Variants in ABCC6 observed in about 807,000 individuals in gnomAD.
ABCC6 encodes ATP-binding cassette sub-family C member 6.
A neutral mutation model predicts 169.5 loss-of-function variants in ABCC6; 126 were observed. That is an observed-to-expected ratio of 0.74 (90% confidence interval 0.64 to 0.86). The LOEUF (loss-of-function observed/expected upper bound fraction) is 0.86. ABCC6 is among the 40% of genes least tolerant of loss of function. The probability of loss-of-function intolerance (pLI) is 0.00; values close to 1 mark genes in which losing one functional copy is unlikely to be tolerated. For missense variants in ABCC6, 1,733 were observed against 1,927.2 expected (o/e 0.90, Z 1.89); for synonymous variants, 752 against 814.7 (o/e 0.92, Z 1.31).
chr16:16,162,030 G>A (rs774444411), intron 24 of ABCC6, among the ~76,000 whole-genome samples: 16 of 152,106 alleles, frequency 1.1e-4, no homozygotes, highest in Non-Finnish European at 1.6e-4. Context: ...AAAAGGATGC[G>A]GCAGTTCCCA....
rs212097 is a variant in ABCC6 at position 16,150,272 on chromosome 16, T to C, written c.4404-31A>G. 0.42 allele frequency: 676,750 copies of C among 1,612,620 alleles called. 147,010 individuals carry two copies. Among genetic ancestry groups the C allele is most frequent in the Non-Finnish European group, 0.45 (528,997 of 1,179,366 alleles). On this transcript the variant is annotated intron_variant, in intron 30 of 30. Transcript: ENST00000205557. ...GGGGAGAGGGAGACAGAGAGGCTCT[T>C]TGGACACCAGCCCAGGCTCTCGGCA...
intron 21 of ABCC6, among the ~76,000 whole-genome samples, chr16:16,171,215 A>G (rs1458156774): frequency 6.6e-6 from 1 of 151,460 alleles, no homozygotes; most frequent in Admixed American, 6.6e-5. Flanking sequence ...AGTGGTCTCT[A>G]TTTCATCATT....
rs11862538 is a variant in ABCC6 at position 16,166,961 on chromosome 16, C to A, written c.2996-1028G>T. On this transcript the variant is annotated intron_variant, in intron 22 of 30. Transcript: ENST00000205557. ...CTCCACAAAGAGTTAACACTGCTGA[C>A]ACCTTGATTTTAGACTTCAGGCCTC... is the stretch of plus-strand genomic sequence containing the variant. 7.6e-3 allele frequency among the ~76,000 whole-genome samples: 1,156 copies of A among 152,332 alleles called. 19 individuals are homozygous for A. Among genetic ancestry groups the A allele is most frequent in the African/African-American group, 0.025 (1,046 of 41,572 alleles).
Position 16,195,802 on chromosome 16 carries a change from A to C in ABCC6, c.1338+2219T>G, listed in dbSNP as rs532907856. On this transcript the variant is annotated intron_variant, in intron 10 of 30. Transcript: ENST00000205557. ...TATTGTTTGCAAGGCCCTGGAATAC[A>C]AGGTGAAGACACTGGAAAAAGTCCT... Among the ~76,000 whole-genome samples, 3 of 152,340 alleles carry C rather than the reference A, an allele frequency of 2.0e-5. 1 individual carries two copies. The highest frequency in any genetic ancestry group is 7.2e-5 in the African/African-American group (3 of 41,574).
intron 29 of ABCC6, among the ~76,000 whole-genome samples, chr16:16,153,278 G>A (rs995112514): frequency 2.6e-5 from 4 of 152,168 alleles, no homozygotes; most frequent in South Asian, 2.1e-4. Flanking sequence ...GCCAAGAGGT[G>A]GAAACAGCCT....
intron 23 of ABCC6, among the ~76,000 whole-genome samples, chr16:16,163,726 G>A (rs1250182466): frequency 7.9e-5 from 12 of 152,178 alleles, no homozygotes; most frequent in Non-Finnish European, 1.5e-5. Flanking sequence ...CAGGTTGGGT[G>A]CAGCTGGCAG....
At chr16:16,213,036 A>G (rs1369665513) in intron 5 of ABCC6, among the ~76,000 whole-genome samples, 1 of 152,140 alleles carries the variant, frequency 6.6e-6, no homozygotes, top group African/African-American at 2.4e-5. Context: ...GGTAGGTACA[A>G]AAAAGATTCC....
At chr16:16,181,915 A>C in intron 17 of ABCC6, 1 of 207,112 alleles carries the variant, frequency 4.8e-6, no homozygotes, top group Non-Finnish European at 9.9e-6. Flanking sequence ...CCTGTGCAAC[A>C]GAGCAAGACT....
intron 9 of ABCC6, among the ~76,000 whole-genome samples, chr16:16,201,035 C>T (rs2048220594): frequency 6.6e-6 from 1 of 152,154 alleles, no homozygotes; most frequent in South Asian, 2.1e-4. Context: ...GGCGTGATCT[C>T]AGTTCACTGC....
rs72664211 is a variant in ABCC6, at chr16:16,162,987, TCCTA to T, written c.3506+2_3506+5del. ...GCAAGGTCTTCTCTGCCCTGGCTCT[TCCTA>T]CCTGTCAGCCACCAGTCGCGGGAAA... On this transcript the variant is annotated splice_donor_variant and splice_donor_5th_base_variant and intron_variant, in intron 24 of 30. Coordinates refer to ENST00000205557, the MANE Select transcript of ABCC6 (RefSeq NM_001171.6). LOFTEE classifies it high-confidence loss of function. 3.7e-6 allele frequency: 6 copies of T among 1,614,068 alleles called. No individual in the cohort carries two copies. The highest frequency in any genetic ancestry group is 5.1e-6 in the Non-Finnish European group (6 of 1,180,020).
At chr16:16,188,216 CTAAAAA>C (rs2047718059) in intron 13 of ABCC6, among the ~76,000 whole-genome samples, 1 of 128,448 alleles carries the variant, frequency 7.8e-6, no homozygotes, top group Non-Finnish European at 1.6e-5. Flanking sequence ...CTCATCTCTA[CTAAAAA>C]TACAAAAAAA....
At chr16:16,151,407 T>A (rs1184103177) in intron 29 of ABCC6, among the ~76,000 whole-genome samples, 3 of 152,250 alleles carry the variant, frequency 2.0e-5, no homozygotes, top group Non-Finnish European at 4.4e-5. Flanking sequence ...TTTTCCATAG[T>A]GACTGTACTA....
intron 9 of ABCC6, among the ~76,000 whole-genome samples, chr16:16,201,689 G>A (rs1359808525): frequency 3.9e-5 from 6 of 152,268 alleles, no homozygotes; most frequent in Admixed American, 6.5e-5. Flanking sequence ...TTAGCTGGGC[G>A]TGGTGACACG....
rs563334773 is a variant in ABCC6 at position 16,198,747 on chromosome 16, A to T, written c.1177-565T>A. 1.8e-4 allele frequency among the ~76,000 whole-genome samples: 27 copies of T among 150,812 alleles called. No individual in the cohort carries two copies. The East Asian group carries it at 4.9e-3, about 27-fold the overall frequency. On this transcript the variant is annotated intron_variant, in intron 9 of 30. Transcript: ENST00000205557. ...GGTGCCTCACGTCTATAATCCCAGC[A>T]CTTTGGGAGGCCGAGGTGGACAGAT...
chr16:16,210,549 G>A (rs985287248), intron 6 of ABCC6, among the ~76,000 whole-genome samples: 1 of 152,220 alleles, frequency 6.6e-6, no homozygotes, highest in African/African-American at 2.4e-5. Context: ...TCTCCTATAT[G>A]GCAAGTGATG....
chr16:16,221,712 G>A lies in ABCC6; in HGVS notation c.156C>T (p.Leu52=). 4 of 1,613,878 alleles carry A rather than the reference G, an allele frequency of 2.5e-6. No individual in the cohort carries two copies. The highest frequency in any genetic ancestry group is 2.2e-5 in the East Asian group (1 of 44,864). The change falls in exon 2 of 31, where the codon CTC becomes CTT. Residue 52 remains leucine, a synonymous_variant. Transcript: ENST00000205557. ...CCCGGCCATGGTGGTGGATGAAGAGGAGGTAGATGGGACCAAGGACCCAGA... is the reference window on the plus strand; with the variant it reads ...CCCGGCCATGGTGGTGGATGAAGAGAAGGTAGATGGGACCAAGGACCCAGA... The part of the protein sequence containing the change: ...MYLWVLGPIY[L]LFIHHHGRGY...
chr16:16,192,243 G>A (rs1596685545), intron 11 of ABCC6, among the ~76,000 whole-genome samples: 1 of 152,154 alleles, frequency 6.6e-6, no homozygotes, highest in Admixed American at 6.6e-5. Context: ...GATGTGTGGG[G>A]AAAGGCAGGG....
intron 10 of ABCC6, among the ~76,000 whole-genome samples, chr16:16,196,853 C>T (rs1296084087): frequency 6.6e-6 from 1 of 152,204 alleles, no homozygotes. Context: ...AGGCACCCAC[C>T]ACTATGCCCG....
intron 7 of ABCC6, among the ~76,000 whole-genome samples, chr16:16,206,671 G>A (rs994800428): frequency 1.1e-4 from 16 of 151,830 alleles, no homozygotes; most frequent in African/African-American, 3.9e-4. Context: ...CTTTCTTTCT[G>A]TCAACTGTTT....
Sources: allele counts gnomAD v4.1 joint callset (sites outside exome capture counted in the v4.1 genomes callset), GRCh38; gene constraint gnomAD v4.1.1; transcripts MANE v1.5; gene names NCBI Gene and HGNC (gene_info 2026-07-23, HGNC 2026-07-21).